Variants in KIF6 observed in about 807,000 individuals in gnomAD.
KIF6 encodes kinesin family member 6, also known as kinesin-like protein KIF6.
KIF6 carries 106 observed loss-of-function variants against 112.7 expected under a neutral mutation model. The ratio of observed to expected loss-of-function variants is 0.94; its 90% CI spans 0.80 to 1.11. KIF6 has a LOEUF of 1.11. KIF6 is among the 50% of genes least tolerant of loss of function. The pLI, the probability that KIF6 is intolerant of heterozygous loss-of-function variation, is 0.00. For synonymous variants in KIF6, 339 were observed against 339.9 expected (o/e 1.00, Z 0.03); for missense variants, 929 against 964.0 (o/e 0.96, Z 0.48).
At chr6:39,673,029 C>T (rs2446641) in intron 3 of KIF6, among the ~76,000 whole-genome samples, 48,932 of 152,006 alleles carry the variant, frequency 0.32, 9,220 homozygotes, top group Non-Finnish European at 0.4. Flanking sequence ...AGAATCATAG[C>T]CAAACCATGA....
intron 10 of KIF6, among the ~76,000 whole-genome samples, chr6:39,556,082 C>T (rs1021440638): frequency 1.3e-5 from 2 of 151,828 alleles, no homozygotes; most frequent in African/African-American, 4.8e-5. Flanking sequence ...AAAGATCATG[C>T]CTATGGCTAA....
chr6:39,524,241 T>C (rs1159777354), intron 13 of KIF6, among the ~76,000 whole-genome samples: 1 of 152,034 alleles, frequency 6.6e-6, no homozygotes, highest in African/African-American at 2.4e-5. Context: ...GCTCTTGGCA[T>C]CCAAAGTAGA....
At chr6:39,625,007 T>C (rs137868478) in intron 5 of KIF6, among the ~76,000 whole-genome samples, 2 of 125,352 alleles carry the variant, frequency 1.6e-5, no homozygotes, top group African/African-American at 6.3e-5. Context: ...CCCAATCCCA[T>C]GATGGTATTA....
Position 39,595,071 on chromosome 6 carries a change from T to C in KIF6, c.846+983A>G, listed in dbSNP as rs780119360. On this transcript the variant is annotated intron_variant, in intron 7 of 22. Transcript: ENST00000287152. Reference sequence around the variant, plus strand: ...AAAATAGAGCACATACTGGGGTAGATTGTAATCAGCCTGGGGTAGAAGTAG... The same window carrying C: ...AAAATAGAGCACATACTGGGGTAGACTGTAATCAGCCTGGGGTAGAAGTAG... Among the ~76,000 whole-genome samples the C allele has an allele frequency of 6.6e-4, 101 of 152,172 alleles. 2 individuals carry two copies. The highest frequency in any genetic ancestry group is 3.2e-4 in the Non-Finnish European group (22 of 68,028).
chr6:39,437,740 G>A (rs1013227344), intron 13 of KIF6, among the ~76,000 whole-genome samples: 3 of 152,128 alleles, frequency 2.0e-5, no homozygotes, highest in Admixed American at 6.5e-5. Context: ...ACATAAAGAC[G>A]TTTCAATCAA....
chr6:39,391,464 C>G (rs907218160), intron 15 of KIF6, among the ~76,000 whole-genome samples: 2 of 152,170 alleles, frequency 1.3e-5, no homozygotes, highest in Non-Finnish European at 2.9e-5. Context: ...CTCAGCCCCT[C>G]TCCAGCTGCT....
At chr6:39,723,540 T>C (rs1203760236) in intron 1 of KIF6, among the ~76,000 whole-genome samples, 1 of 152,190 alleles carries the variant, frequency 6.6e-6, no homozygotes, top group Non-Finnish European at 1.5e-5. Flanking sequence ...TACATATATA[T>C]ACACCATGGA....
intron 13 of KIF6, among the ~76,000 whole-genome samples, chr6:39,439,483 C>T (rs1771775460): frequency 6.6e-6 from 1 of 152,158 alleles, no homozygotes; most frequent in African/African-American, 2.4e-5. Flanking sequence ...TCTCATTCTC[C>T]AAAAGACGAC....
At chr6:39,484,773 C>T (rs1245765634) in intron 13 of KIF6, among the ~76,000 whole-genome samples, 1 of 152,240 alleles carries the variant, frequency 6.6e-6, no homozygotes, top group East Asian at 1.9e-4. Flanking sequence ...AAGGACTGGG[C>T]CTGTATATAT....
Position 39,586,291 on chromosome 6 carries a change from T to G in KIF6, c.960A>C (p.Ala320=). The change falls in exon 8 of 23, where the codon GCA becomes GCC. Residue 320 remains alanine, a synonymous_variant. Coordinates refer to ENST00000287152, the MANE Select transcript of KIF6 (RefSeq NM_145027.6). Reference sequence around the variant, plus strand: ...GATTCCTTTTCTCCAAGGAGAGTGTTGCAATCATAGTTGTCATGCAGTTCC... The same window carrying G: ...GATTCCTTTTCTCCAAGGAGAGTGTGGCAATCATAGTTGTCATGCAGTTCC... ...LGGNCMTTMI[A]TLSLEKRNLD... is the part of the protein sequence containing the mutation. 6.2e-7 allele frequency: 1 copy of G among 1,614,180 alleles called. No homozygotes were observed. Among genetic ancestry groups the G allele is most frequent in the Non-Finnish European group, 8.5e-7 (1 of 1,180,002 alleles).
intron 13 of KIF6, among the ~76,000 whole-genome samples, chr6:39,497,769 T>A (rs1266713673): frequency 1.3e-5 from 2 of 152,208 alleles, no homozygotes; most frequent in Non-Finnish European, 2.9e-5. Context: ...TTCTATAATG[T>A]TCTGACAGAT....
At chr6:39,427,977 C>T (rs1430605535) in intron 14 of KIF6, among the ~76,000 whole-genome samples, 1 of 152,202 alleles carries the variant, frequency 6.6e-6, no homozygotes, top group East Asian at 1.9e-4. Context: ...ACTATGTTCT[C>T]CCTAAGTTAG....
At chr6:39,375,146 G>A (rs781128676) in intron 16 of KIF6, among the ~76,000 whole-genome samples, 1 of 152,194 alleles carries the variant, frequency 6.6e-6, no homozygotes, top group Non-Finnish European at 1.5e-5. Flanking sequence ...TCACTTATGT[G>A]AGAATCTGAA....
chr6:39,421,898 C>T (rs527675799), intron 14 of KIF6, among the ~76,000 whole-genome samples: 6 of 152,102 alleles, frequency 3.9e-5, no homozygotes, highest in Admixed American at 6.5e-5. Context: ...AGGCATAAGG[C>T]GACATTTGCT....
intron 13 of KIF6, among the ~76,000 whole-genome samples, chr6:39,531,455 G>A (rs1778055328): frequency 6.6e-6 from 1 of 152,102 alleles, no homozygotes; most frequent in African/African-American, 2.4e-5. Flanking sequence ...ACACAACAAG[G>A]GGCTGGGCAG....
chr6:39,492,364 G>T (rs1581971893), intron 13 of KIF6, among the ~76,000 whole-genome samples: 1 of 152,294 alleles, frequency 6.6e-6, no homozygotes, highest in Admixed American at 6.5e-5. Flanking sequence ...GTATCAGTTT[G>T]GGCTAAAGGA....
At chr6:39,682,099 A>G (rs1787553023) in intron 3 of KIF6, among the ~76,000 whole-genome samples, 1 of 152,220 alleles carries the variant, frequency 6.6e-6, no homozygotes, top group African/African-American at 2.4e-5. Context: ...GACAGAAAAG[A>G]ACCATGTTCT....
intron 3 of KIF6, among the ~76,000 whole-genome samples, chr6:39,640,874 G>A (rs1784864694): frequency 1.3e-5 from 2 of 152,148 alleles, no homozygotes; most frequent in African/African-American, 4.8e-5. Context: ...TGCATCTGTT[G>A]CTGTGTAGGT....
chr6:39,374,839 C>G (rs939884186), intron 16 of KIF6, among the ~76,000 whole-genome samples: 12 of 152,130 alleles, frequency 7.9e-5, no homozygotes, highest in Non-Finnish European at 1.5e-4. Context: ...AAAATAGAAC[C>G]ACCATGTGAT....
Sources: allele counts gnomAD v4.1 joint callset (sites outside exome capture counted in the v4.1 genomes callset), GRCh38; gene constraint gnomAD v4.1.1; transcripts MANE v1.5; gene names NCBI Gene and HGNC (gene_info 2026-07-23, HGNC 2026-07-21).